The following ARID5B variants were observed in gnomAD, a reference collection of about 807,000 sequenced individuals.
ARID5B encodes the protein AT-rich interactive domain-containing protein 5B.
A neutral mutation model predicts 97.2 loss-of-function variants in ARID5B; 13 were observed. The ratio of observed to expected loss-of-function variants is 0.13; its 90% CI spans 0.09 to 0.21. The LOEUF (loss-of-function observed/expected upper bound fraction) is 0.21. ARID5B is among the 10% of genes least tolerant of loss of function. The pLI is 1.00. For synonymous variants in ARID5B, 556 were observed against 570.3 expected (o/e 0.97, Z 0.36); for missense variants, 1,210 against 1,465.3 (o/e 0.83, Z 2.84).
rs936291886 is a variant in ARID5B at position 62,077,408 on chromosome 10, C to G, written c.1199+7611C>G. 1.6e-4 allele frequency among the ~76,000 whole-genome samples: 25 copies of G among 152,174 alleles called. No individual in the cohort carries two copies. The East Asian group carries it at 4.4e-3, about 27-fold the overall frequency. On this transcript the variant is annotated intron_variant, in intron 8 of 9. Transcript: ENST00000279873. The stretch of plus-strand genomic sequence containing the variant: ...AAATTCTTAAATTTGCCTCTAAATG[C>G]AAGTTGTAATTAATAGAAGTTAGAG...
intron 2 of ARID5B, among the ~76,000 whole-genome samples, chr10:61,915,818 C>T (rs567078586): frequency 4.0e-5 from 6 of 151,590 alleles, no homozygotes; most frequent in East Asian, 1.9e-4. Context: ...TGCAATGGCA[C>T]GATCTCAGCT....
At chr10:62,040,585 T>C (rs1209043500) in intron 4 of ARID5B, among the ~76,000 whole-genome samples, 6 of 152,154 alleles carry the variant, frequency 3.9e-5, no homozygotes, top group African/African-American at 1.4e-4. Context: ...AGAAAGATAA[T>C]GTGAGCCACA....
chr10:61,978,758 G>T (rs190482044), intron 3 of ARID5B, among the ~76,000 whole-genome samples: 1 of 152,222 alleles, frequency 6.6e-6, no homozygotes, highest in Admixed American at 6.5e-5. Context: ...AGGGGATTTT[G>T]GGCTGAGACG....
intron 3 of ARID5B, among the ~76,000 whole-genome samples, chr10:61,962,324 C>CA (rs1160499143): frequency 6.6e-6 from 1 of 152,052 alleles, no homozygotes; most frequent in Non-Finnish European, 1.5e-5. Flanking sequence ...TAGCAGCACA[C>CA]AAAAAACAAA....
chr10:62,081,239 T>C (rs1335270965), intron 8 of ARID5B, among the ~76,000 whole-genome samples: 1 of 152,226 alleles, frequency 6.6e-6, no homozygotes, highest in African/African-American at 2.4e-5. Context: ...GCCTATGCAG[T>C]AACTGGGGTG....
chr10:61,947,297 C>G (rs2132806698), intron 3 of ARID5B, among the ~76,000 whole-genome samples: 1 of 120,344 alleles, frequency 8.3e-6, no homozygotes, highest in Non-Finnish European at 1.8e-5. Context: ...GAGACAGGGT[C>G]TCACTGCATT....
At chr10:61,911,755 C>T (rs1480580170) in intron 2 of ARID5B, among the ~76,000 whole-genome samples, 1 of 152,144 alleles carries the variant, frequency 6.6e-6, no homozygotes, top group East Asian at 1.9e-4. Flanking sequence ...TGGGGGGCAG[C>T]GGGCAGAAGG....
chr10:62,015,621 G>A (rs1217783038), intron 4 of ARID5B, among the ~76,000 whole-genome samples: 1 of 151,932 alleles, frequency 6.6e-6, no homozygotes, highest in Non-Finnish European at 1.5e-5. Flanking sequence ...GAGGTTTTTT[G>A]TTGTTGTTGT....
chr10:62,003,183 A>G (rs2071058390), intron 4 of ARID5B, among the ~76,000 whole-genome samples: 1 of 152,248 alleles, frequency 6.6e-6, no homozygotes, highest in African/African-American at 2.4e-5. Flanking sequence ...AAAGGTAAAT[A>G]AAACTTGGCT....
At chr10:62,010,357 C>T (rs746009217) in intron 4 of ARID5B, among the ~76,000 whole-genome samples, 1 of 152,164 alleles carries the variant, frequency 6.6e-6, no homozygotes, top group Non-Finnish European at 1.5e-5. Context: ...TGTTTTTCCC[C>T]CTCTGCCTGT....
intron 4 of ARID5B, among the ~76,000 whole-genome samples, chr10:62,006,682 GAGA>G (rs1839151022): frequency 6.6e-6 from 1 of 152,210 alleles, no homozygotes; most frequent in African/African-American, 2.4e-5. Context: ...TAGAGCAAGA[GAGA>G]AGACCTCCTT....
chr10:61,925,646 A>G (rs1387301739), intron 2 of ARID5B, among the ~76,000 whole-genome samples: 2 of 152,180 alleles, frequency 1.3e-5, no homozygotes, highest in African/African-American at 2.4e-5. Flanking sequence ...GGGAGGAAAA[A>G]GGTACATGCA....
chr10:62,053,340 T>C (rs934476463), intron 5 of ARID5B, among the ~76,000 whole-genome samples: 1 of 152,208 alleles, frequency 6.6e-6, no homozygotes, highest in Non-Finnish European at 1.5e-5. Flanking sequence ...CTGGGTTTGT[T>C]GTGTTCATGA....
chr10:61,985,478 A>C (rs533688836), intron 3 of ARID5B, among the ~76,000 whole-genome samples: 2 of 152,058 alleles, frequency 1.3e-5, no homozygotes, highest in Admixed American at 6.5e-5. Context: ...TTTTTTAACC[A>C]CATATTATGT....
intron 3 of ARID5B, among the ~76,000 whole-genome samples, chr10:61,966,088 T>C (rs1838541410): frequency 6.6e-6 from 1 of 152,178 alleles, no homozygotes; most frequent in African/African-American, 2.4e-5. Context: ...AAATCAGCCA[T>C]AGTCCCACTA....
At chr10:61,947,097 T>A (rs1023496545) in intron 3 of ARID5B, among the ~76,000 whole-genome samples, 3 of 152,122 alleles carry the variant, frequency 2.0e-5, no homozygotes, top group Non-Finnish European at 2.9e-5. Flanking sequence ...CCAATTAACA[T>A]TGGAGGAGAT....
chr10:61,992,165 G>A (rs1838935064), intron 3 of ARID5B, among the ~76,000 whole-genome samples: 1 of 152,136 alleles, frequency 6.6e-6, no homozygotes. Context: ...TGTCAATCTG[G>A]CCATGAAGTC....
chr10:61,913,892 C>T (rs1843852200), intron 2 of ARID5B, among the ~76,000 whole-genome samples: 1 of 152,224 alleles, frequency 6.6e-6, no homozygotes, highest in Non-Finnish European at 1.5e-5. Flanking sequence ...GCTGGGATTA[C>T]AGGCATGCAC....
intron 7 of ARID5B, among the ~76,000 whole-genome samples, chr10:62,068,200 C>T (rs968443045): frequency 1.3e-5 from 2 of 152,098 alleles, no homozygotes; most frequent in Non-Finnish European, 2.9e-5. Context: ...TTTGAAAGGG[C>T]GTTGAAACCA....
Sources: gnomAD v4.1 joint callset for allele counts (sites outside exome capture counted in the v4.1 genomes callset) on GRCh38, gnomAD v4.1.1 for gene constraint, MANE v1.5 for transcripts, NCBI Gene and HGNC (gene_info 2026-07-23, HGNC 2026-07-21) for gene names.